The following RAB6B variants were observed in gnomAD, a reference collection of about 807,000 sequenced individuals.
The protein encoded by RAB6B is RAB6B, member RAS oncogene family.
RAB6B carries 7 observed loss-of-function variants against 31.2 expected under a neutral mutation model. The observed-to-expected ratio is 0.22, with a 90% confidence interval of 0.13 to 0.42. The LOEUF is 0.42. Among genes scored for constraint, RAB6B ranks in the 10% least tolerant of loss-of-function variants. The pLI, the probability that RAB6B is intolerant of heterozygous loss-of-function variation, is 1.00. For synonymous variants in RAB6B, 105 were observed against 104.9 expected, an observed-to-expected ratio of 1.00 and a Z score of -0.01; for missense variants, 149 against 280.6, an observed-to-expected ratio of 0.53 and a Z score of 3.35.
intron 1 of RAB6B, among the ~76,000 whole-genome samples, chr3:133,892,328 C>A (rs905346265): frequency 6.6e-6 from 1 of 152,186 alleles, no homozygotes; most frequent in African/African-American, 2.4e-5. Flanking sequence ...CTGTGCCAAG[C>A]TGACACTGTC....
chr3:133,884,894 C>T (rs1936519685), intron 1 of RAB6B, among the ~76,000 whole-genome samples: 1 of 106,292 alleles, frequency 9.4e-6, no homozygotes, highest in South Asian at 3.6e-4. Flanking sequence ...ACCAAATAAT[C>T]AGAGGACGGG....
At chr3:133,884,908 GC>G (rs1274010920) in intron 1 of RAB6B, among the ~76,000 whole-genome samples, 2 of 87,034 alleles carry the variant, frequency 2.3e-5, no homozygotes, top group Non-Finnish European at 4.3e-5. Flanking sequence ...GGACGGGGGG[GC>G]TTATATATCC....
intron 1 of RAB6B, among the ~76,000 whole-genome samples, chr3:133,869,909 G>A (rs905065885): frequency 6.6e-6 from 1 of 152,142 alleles, no homozygotes; most frequent in Non-Finnish European, 1.5e-5. Flanking sequence ...CACCTTCCCT[G>A]CCAGGTCCTA....
chr3:133,825,206 G>T lies in RAB6B; in HGVS notation c.*3582C>A, dbSNP rs1481734646. The T allele has an allele frequency of 6.6e-6, 1 of 152,190 alleles. No individual in the cohort carries two copies. Among genetic ancestry groups the T allele is most frequent in the Non-Finnish European group, 1.5e-5 (1 of 68,052 alleles). The allele number at this position is 152,190 out of a possible 1,614,324, so 9.4% of individuals were successfully genotyped here. Reference sequence around the variant, plus strand: ...CATCCTCACCTGCCTTCCATCTTGTGAAGGAATGAGGCTGCTCTACCTGCA... The same window carrying T: ...CATCCTCACCTGCCTTCCATCTTGTTAAGGAATGAGGCTGCTCTACCTGCA... On this transcript the variant is annotated 3_prime_UTR_variant, in exon 8 of 8. Coordinates refer to ENST00000285208, the MANE Select transcript of RAB6B (RefSeq NM_016577.4).
chr3:133,891,898 C>T (rs1324062684), intron 1 of RAB6B, among the ~76,000 whole-genome samples: 1 of 152,200 alleles, frequency 6.6e-6, no homozygotes, highest in Non-Finnish European at 1.5e-5. Flanking sequence ...GCAGACAGAG[C>T]TTTTGCGTCT....
rs2107981196 is a variant in RAB6B at position 133,825,564 on chromosome 3, G to C, written c.*3224C>G. On this transcript the variant is annotated 3_prime_UTR_variant, in exon 8 of 8. Transcript: ENST00000285208. ...CTTGGATCACACAACTGCAGCCATG[G>C]TGCTCATGATTCTGATGTCACACCT... 1 of 152,338 alleles carries C rather than the reference G, an allele frequency of 6.6e-6. No individual in the cohort carries two copies. The highest frequency in any genetic ancestry group is 2.1e-4 in the South Asian group (1 of 4,818). The allele number at this position is 152,338 out of a possible 1,614,324, so 9.4% of individuals were successfully genotyped here. A position where few individuals can be genotyped will look rare whatever the true frequency, so the allele number is the denominator to read the frequency against.
intron 2 of RAB6B, among the ~76,000 whole-genome samples, chr3:133,844,261 A>G (rs1179172815): frequency 1.3e-5 from 2 of 152,182 alleles, no homozygotes; most frequent in African/African-American, 4.8e-5. Context: ...TAACAGACTA[A>G]CCAGAGGCAG....
chr3:133,855,586 A>G (rs542668044), intron 2 of RAB6B, among the ~76,000 whole-genome samples: 1 of 152,358 alleles, frequency 6.6e-6, no homozygotes, highest in East Asian at 1.9e-4. Context: ...GCTCCCTGAG[A>G]GGCCTCCCAA....
chr3:133,888,896 T>G (rs1936591054), intron 1 of RAB6B, among the ~76,000 whole-genome samples: 1 of 152,168 alleles, frequency 6.6e-6, no homozygotes, highest in South Asian at 2.1e-4. Flanking sequence ...CCCCATTTCC[T>G]GGCAGCCTGT....
At chr3:133,865,426 C>A (rs182248918) in intron 1 of RAB6B, among the ~76,000 whole-genome samples, 17 of 152,368 alleles carry the variant, frequency 1.1e-4, no homozygotes, top group African/African-American at 4.1e-4. Flanking sequence ...TCTGACCTCA[C>A]CCTGTGCAGC....
chr3:133,851,270 T>C (rs1935980417), intron 2 of RAB6B, among the ~76,000 whole-genome samples: 1 of 152,182 alleles, frequency 6.6e-6, no homozygotes, highest in East Asian at 1.9e-4. Flanking sequence ...TGCAGGACAT[T>C]GTTTGTTTTA....
chr3:133,888,550 G>C (rs760578793), intron 1 of RAB6B, among the ~76,000 whole-genome samples: 6 of 152,218 alleles, frequency 3.9e-5, no homozygotes, highest in Non-Finnish European at 7.3e-5. Context: ...GGCTGGCCCA[G>C]AGCATGTGAT....
At chr3:133,850,194 G>C (rs528908971) in intron 2 of RAB6B, among the ~76,000 whole-genome samples, 2 of 152,082 alleles carry the variant, frequency 1.3e-5, no homozygotes, top group African/African-American at 2.4e-5. Flanking sequence ...GCCTACCACG[G>C]GGGGGAGAAT....
chr3:133,829,591 G>A (rs906234959), intron 7 of RAB6B, among the ~76,000 whole-genome samples: 1 of 152,196 alleles, frequency 6.6e-6, no homozygotes, highest in Non-Finnish European at 1.5e-5. Context: ...ATACCTCACA[G>A]AATTGCTCTT....
Position 133,895,793 on chromosome 3 carries a change from G to T in RAB6B, c.-327C>A, listed in dbSNP as rs1481079799. 3.0e-6 allele frequency: 1 copy of T among 330,248 alleles called. No homozygotes were observed. Among genetic ancestry groups the T allele is most frequent in the African/African-American group, 2.2e-5 (1 of 46,046 alleles). 20.5% of individuals were successfully genotyped at this position (330,248 alleles called of 1,614,324 possible). Reference sequence around the variant, plus strand: ...AGAGGCGCGGGCGGAGCGGGGCGCAGGGACGGCGCGCGGGGCGGAGGAGCG... The same window carrying T: ...AGAGGCGCGGGCGGAGCGGGGCGCATGGACGGCGCGCGGGGCGGAGGAGCG... On this transcript the variant is annotated 5_prime_UTR_variant, in exon 1 of 8. The change creates a new upstream start codon in the 5' untranslated region. Coordinates refer to ENST00000285208, the MANE Select transcript of RAB6B (RefSeq NM_016577.4).
chr3:133,874,987 T>C (rs1936372425), intron 1 of RAB6B, among the ~76,000 whole-genome samples: 1 of 152,302 alleles, frequency 6.6e-6, no homozygotes, highest in African/African-American at 2.4e-5. Context: ...ACAATACTGC[T>C]TTCTGGAGGT....
At chr3:133,868,315 C>T (rs1280451088) in intron 1 of RAB6B, among the ~76,000 whole-genome samples, 1 of 152,228 alleles carries the variant, frequency 6.6e-6, no homozygotes, top group Admixed American at 6.5e-5. Flanking sequence ...TGGGCAGAAC[C>T]CATCCCGAGC....
At position 133,826,567 on chromosome 3, in the gene RAB6B, G is replaced by C. The variant is rs538717705; in HGVS notation, c.*2221C>G. The C allele has an allele frequency of 6.6e-6, 1 of 152,650 alleles. No individual in the cohort carries two copies. The highest frequency in any genetic ancestry group is 6.5e-5 in the Admixed American group (1 of 15,282). The allele number at this position is 152,650 out of a possible 1,614,324, so 9.5% of individuals were successfully genotyped here. ...CATGTGGACTCCTGTAAATTCTCTC[G>C]AGGTAAGTAAGCACTCTTCCAACAA... On this transcript the variant is annotated 3_prime_UTR_variant, in exon 8 of 8. Coordinates refer to ENST00000285208, the MANE Select transcript of RAB6B (RefSeq NM_016577.4).
chr3:133,834,761 C>T (rs889395808), intron 6 of RAB6B, 120 bp from the exon 7 acceptor site: 1 of 931,306 alleles, frequency 1.1e-6, no homozygotes, highest in Non-Finnish European at 1.7e-6. Flanking sequence ...TCCCATCTGC[C>T]CAGCGGACGG....
Sources: allele counts gnomAD v4.1 joint callset (sites outside exome capture counted in the v4.1 genomes callset), GRCh38; gene constraint gnomAD v4.1.1; transcripts MANE v1.5; gene names NCBI Gene and HGNC (gene_info 2026-07-23, HGNC 2026-07-21).